Variants in PGAP4 observed in about 807,000 individuals in gnomAD.
PGAP4 encodes post-GPI attachment to proteins GalNAc transferase 4.
Under a neutral mutation model 28.2 loss-of-function variants are expected in PGAP4, and 12 were observed. That is an observed-to-expected ratio of 0.42 (90% CI 0.27 to 0.69). The LOEUF is 0.69. Among genes scored for constraint, PGAP4 ranks in the 30% least tolerant of loss-of-function variants. The pLI is 0.22. For missense variants in PGAP4, 425 were observed against 513.5 expected, an observed-to-expected ratio of 0.83 and a Z score of 1.67; for synonymous variants, 205 against 211.8, an observed-to-expected ratio of 0.97 and a Z score of 0.28.
rs149737281 is a variant in PGAP4 at position 101,476,474 on chromosome 9, C to T, written c.619G>A (p.Val207Ile). The change falls in exon 2 of 2, where the codon GTC (valine) becomes ATC (isoleucine). Residue 207 changes from valine (V) to isoleucine (I), a missense_variant. Val to Ile is a conservative substitution (Grantham distance 29). Coordinates refer to ENST00000374848, the MANE Select transcript of PGAP4 (RefSeq NM_032342.3). The surrounding 1 kb of genome is among the most constrained non-coding windows in gnomAD (Gnocchi z 7.0). ...ACAGCATCGTCTTCTACCATCAGGACGTAGTCTGGGTTGTAGGTCTGCAGG... is the reference window on the plus strand; with the variant it reads ...ACAGCATCGTCTTCTACCATCAGGATGTAGTCTGGGTTGTAGGTCTGCAGG... ...SSLQTYNPDY[V>I]LMVEDDAVPE... The T allele has an allele frequency of 5.0e-4, 814 of 1,614,138 alleles. 4 individuals carry two copies. The African/African-American group carries it at 9.5e-3, about 19-fold the overall frequency.
intron 2 of PGAP4, among the ~76,000 whole-genome samples, chr9:101,521,808 G>A (rs1826990532): frequency 6.6e-6 from 1 of 152,098 alleles, no homozygotes; most frequent in Non-Finnish European, 1.5e-5. Context: ...ACCTCAGAGT[G>A]TCTGTTTGCA....
At chr9:101,494,456 T>A (rs181253272) in intron 2 of PGAP4, among the ~76,000 whole-genome samples, 62 of 151,978 alleles carry the variant, frequency 4.1e-4, no homozygotes, top group African/African-American at 1.4e-3. Context: ...ATAAAAACAT[T>A]TAAGTAAAGA....
chr9:101,478,734 T>A lies in PGAP4; in HGVS notation c.-77-1565A>T, dbSNP rs138936800. 2.7e-3 allele frequency among the ~76,000 whole-genome samples: 417 copies of A among 152,274 alleles called. 8 individuals are homozygous for A. The highest frequency in any genetic ancestry group is 5.4e-4 in the Non-Finnish European group (37 of 68,018). On this transcript the variant is annotated intron_variant, in intron 1 of 1. Transcript: ENST00000374848. ...GTACAGCCACCAGATGGCAGAAGCC[T>A]GGGTCCTTGAATCCTTTACATACAT...
At chr9:101,485,687 TA>T (rs112318212) in intron 1 of PGAP4, among the ~76,000 whole-genome samples, 43 of 152,346 alleles carry the variant, frequency 2.8e-4, no homozygotes, top group African/African-American at 1.0e-3. Context: ...GCTTTTGATT[TA>T]AAACTTCAAA....
chr9:101,501,905 G>A (rs1189651538), intron 2 of PGAP4: 9 of 395,530 alleles, frequency 2.3e-5, no homozygotes, highest in Admixed American at 1.2e-4. Context: ...AGAGGCCTCC[G>A]ATTGGAAAGG....
intron 2 of PGAP4, among the ~76,000 whole-genome samples, chr9:101,493,185 C>A (rs910541333): frequency 6.7e-6 from 1 of 148,666 alleles, no homozygotes; most frequent in Non-Finnish European, 1.5e-5. Context: ...ACCTGGGAGG[C>A]GGAGGTTGCA....
chr9:101,476,968 GC>G lies in PGAP4; in HGVS notation c.124del (p.Ala42ProfsTer17). 6.2e-7 allele frequency: 1 copy of G among 1,601,820 alleles called. No homozygotes were observed. Among genetic ancestry groups the G allele is most frequent in the Non-Finnish European group, 8.5e-7 (1 of 1,174,884 alleles). On this transcript the variant is annotated frameshift_variant, in exon 2 of 2. Coordinates refer to ENST00000374848, the MANE Select transcript of PGAP4 (RefSeq NM_032342.3). LOFTEE classifies it high-confidence loss of function. The surrounding 1 kb of genome is among the most constrained non-coding windows in gnomAD (Gnocchi z 7.0). Reference protein sequence around the residue: ...VVTFGLLAPLACHRLLHSYFY... With the variant: ...VVTFGLLAPLXCHRLLHSYFY... ...GTAAGAGTGTAGAAGTCGGTGACAG[GC>G]CAGGGGGGCCAGCAGGCCAAACGTC... is the stretch of plus-strand genomic sequence containing the variant.
intron 1 of PGAP4, among the ~76,000 whole-genome samples, chr9:101,485,597 C>G (rs1459857520): frequency 1.3e-5 from 2 of 152,120 alleles, no homozygotes; most frequent in Non-Finnish European, 2.9e-5. Flanking sequence ...CAAAAGGCTA[C>G]TACACAGAGG....
rs572775163 is a variant in PGAP4, at chr9:101,480,435, A to G, written c.-77-3266T>C. 3.3e-5 allele frequency among the ~76,000 whole-genome samples: 5 copies of G among 152,292 alleles called. No homozygotes were observed. In the South Asian group the frequency reaches 1.0e-3, roughly 32 times the overall value. On this transcript the variant is annotated intron_variant, in intron 1 of 1. Transcript: ENST00000374848. ...AGAGAAAAAAGGGGAATAGTGCACC[A>G]CAAGCTGGCTCTCAAAGCCACTGCT...
chr9:101,490,192 T>G (rs1826673599), upstream of PGAP4, among the ~76,000 whole-genome samples: 1 of 152,116 alleles, frequency 6.6e-6, no homozygotes, highest in Non-Finnish European at 1.5e-5. Flanking sequence ...TATTTTATTT[T>G]TTTACTTTAT....
intron 1 of PGAP4, among the ~76,000 whole-genome samples, chr9:101,477,598 G>T (rs1022109044): frequency 2.6e-5 from 4 of 151,940 alleles, no homozygotes; most frequent in African/African-American, 9.7e-5. Context: ...CAGAATAAGG[G>T]CCCAGAAAAT....
At chr9:101,527,126 G>T (rs565351779) in intron 2 of PGAP4, among the ~76,000 whole-genome samples, 1 of 152,200 alleles carries the variant, frequency 6.6e-6, no homozygotes, top group African/African-American at 2.4e-5. Context: ...TCGGCTGAGT[G>T]CTACAAGTAT....
intron 2 of PGAP4, among the ~76,000 whole-genome samples, chr9:101,493,430 T>C (rs968987933): frequency 1.7e-4 from 26 of 152,160 alleles, no homozygotes; most frequent in African/African-American, 6.3e-4. Flanking sequence ...ATACTCAGAT[T>C]GATCATTACG....
chr9:101,476,268 T>C lies in PGAP4; in HGVS notation c.825A>G (p.Leu275=), dbSNP rs775942742. Residue 275 remains leucine (L), a synonymous_variant, in exon 2 of 2, where the codon TTA becomes TTG. Coordinates refer to ENST00000374848, the MANE Select transcript of PGAP4 (RefSeq NM_032342.3). The surrounding 1 kb of genome is among the most constrained non-coding windows in gnomAD (Gnocchi z 7.0). Reference sequence around the variant, plus strand: ...CAAACCTCATGTATATCCAGGTTAGTAAGGGCCCCAGCAACATGCCTACAC... The same window carrying C: ...CAAACCTCATGTATATCCAGGTTAGCAAGGGCCCCAGCAACATGCCTACAC... ...WVGVGMLLGP[L]LTWIYMRFAS... 6.2e-7 allele frequency: 1 copy of C among 1,614,088 alleles called. No homozygotes were observed. The highest frequency in any genetic ancestry group is 8.5e-7 in the Non-Finnish European group (1 of 1,180,022).
intron 1 of PGAP4, among the ~76,000 whole-genome samples, chr9:101,484,861 T>C (rs1826577223): frequency 6.6e-6 from 1 of 152,158 alleles, no homozygotes; most frequent in Non-Finnish European, 1.5e-5. Flanking sequence ...TGTACAGAGA[T>C]ATGACCATTT....
At chr9:101,498,417 T>C (rs1322599060) in intron 2 of PGAP4, among the ~76,000 whole-genome samples, 1 of 151,834 alleles carries the variant, frequency 6.6e-6, no homozygotes. Context: ...TAAATTTATA[T>C]TTTTGGAAGG....
intron 2 of PGAP4, among the ~76,000 whole-genome samples, chr9:101,499,328 A>G (rs1255531389): frequency 6.6e-6 from 1 of 151,932 alleles, no homozygotes; most frequent in Non-Finnish European, 1.5e-5. Context: ...AAAAGCCATC[A>G]ATTTCTTCCA....
chr9:101,510,195 C>A (rs942854870), intron 2 of PGAP4, among the ~76,000 whole-genome samples: 13 of 152,112 alleles, frequency 8.5e-5, no homozygotes, highest in Non-Finnish European at 1.3e-4. Flanking sequence ...CACATGCCAC[C>A]TTTTGAACTG....
chr9:101,514,467 C>T (rs1377783229), intron 2 of PGAP4, among the ~76,000 whole-genome samples: 5 of 152,034 alleles, frequency 3.3e-5, no homozygotes, highest in Non-Finnish European at 7.4e-5. Flanking sequence ...TCAGATTAAA[C>T]ATCATTGTGG....
Sources: gnomAD v4.1 joint callset for allele counts (sites outside exome capture counted in the v4.1 genomes callset) on GRCh38, gnomAD v4.1.1 for gene constraint, Gnocchi (gnomAD v3.1) non-coding constraint, MANE v1.5 for transcripts, NCBI Gene and HGNC (gene_info 2026-07-23, HGNC 2026-07-21) for gene names.